GPHN: variants seen among roughly 807,000 people sequenced by gnomAD.
GPHN encodes the protein gephyrin.
Under a neutral mutation model 95.5 loss-of-function variants are expected in GPHN, and 17 were observed. The ratio of observed to expected loss-of-function variants is 0.18; its 90% CI spans 0.12 to 0.27. The LOEUF is 0.27. Ranked by LOEUF, GPHN falls within the 10% of genes least tolerant of loss-of-function variation. The probability of loss-of-function intolerance (pLI) is 1.00; values close to 1 mark genes in which losing one functional copy is unlikely to be tolerated. For missense variants in GPHN, 660 were observed against 978.1 expected (o/e 0.67, Z 4.34); for synonymous variants, 320 against 322.5 (o/e 0.99, Z 0.08).
chr14:66,673,950 G>A (rs769787857), intron 1 of GPHN, among the ~76,000 whole-genome samples: 6 of 151,894 alleles, frequency 4.0e-5, no homozygotes, highest in African/African-American at 9.7e-5. Flanking sequence ...AGGGTATTTC[G>A]CATATCCGTA....
intron 1 of GPHN, among the ~76,000 whole-genome samples, chr14:66,623,241 A>G (rs2063379667): frequency 6.6e-6 from 1 of 152,068 alleles, no homozygotes; most frequent in Non-Finnish European, 1.5e-5. Context: ...AGACTCATTC[A>G]CTATAATGAG....
the GPHN span, among the ~76,000 whole-genome samples, chr14:67,329,877 A>G: frequency 1.1e-3 from 99 of 86,858 alleles, no homozygotes; most frequent in East Asian, 0.021. Context: ...TAAATAAATA[A>G]ATAGATATAG....
chr14:67,262,300 C>T, the GPHN span, among the ~76,000 whole-genome samples: 1 of 152,120 alleles, frequency 6.6e-6, no homozygotes, highest in Non-Finnish European at 1.5e-5. Context: ...CTAAAACTCC[C>T]AGTATAAATG....
At chr14:67,533,641 C>G in the GPHN span, 1 of 152,148 alleles carries the variant, frequency 6.6e-6, no homozygotes. Flanking sequence ...AGTACCTGGA[C>G]TTGGGGATCG....
At chr14:67,153,732 T>G (rs2081417382) in intron 18 of GPHN, among the ~76,000 whole-genome samples, 1 of 152,212 alleles carries the variant, frequency 6.6e-6, no homozygotes, top group South Asian at 2.1e-4. Flanking sequence ...TTTGCACAAT[T>G]TTTCTGACCA....
At chr14:66,733,100 T>C (rs1198631290) in intron 2 of GPHN, among the ~76,000 whole-genome samples, 1 of 152,080 alleles carries the variant, frequency 6.6e-6, no homozygotes, top group Admixed American at 6.5e-5. Flanking sequence ...AAGGAGATGA[T>C]TGGATCATGG....
the GPHN span, among the ~76,000 whole-genome samples, chr14:67,394,155 T>A: frequency 6.6e-6 from 1 of 152,202 alleles, no homozygotes; most frequent in Non-Finnish European, 1.5e-5. Flanking sequence ...TTTCTTCTCC[T>A]TATCTAAATG....
chr14:67,201,129 A>G, the GPHN span, among the ~76,000 whole-genome samples: 1,832 of 152,276 alleles, frequency 0.012, 19 homozygotes, highest in Non-Finnish European at 0.018. Context: ...CCCATCTCTA[A>G]AAACACTTTT....
chr14:67,707,282 C>T, the GPHN span, among the ~76,000 whole-genome samples: 3 of 152,154 alleles, frequency 2.0e-5, no homozygotes, highest in Non-Finnish European at 2.9e-5. Flanking sequence ...AAACATTAGG[C>T]AAGACTAAAA....
chr14:66,579,171 A>G (rs1182299584), intron 1 of GPHN, among the ~76,000 whole-genome samples: 2 of 151,990 alleles, frequency 1.3e-5, no homozygotes, highest in Admixed American at 1.3e-4. Flanking sequence ...TGTAAGCCTC[A>G]TGGTAACCAC....
At chr14:66,528,313 G>A (rs2058772125) in intron 1 of GPHN, among the ~76,000 whole-genome samples, 2 of 152,042 alleles carry the variant, frequency 1.3e-5, no homozygotes, top group African/African-American at 4.8e-5. Context: ...TCCATTTGCT[G>A]TGTAAATATT....
At chr14:67,087,242 A>G (rs962415891) in intron 11 of GPHN, among the ~76,000 whole-genome samples, 4 of 152,090 alleles carry the variant, frequency 2.6e-5, no homozygotes, top group Non-Finnish European at 5.9e-5. Flanking sequence ...GCACTATTCA[A>G]AATCCCAGCA....
chr14:67,360,969 A>G, the GPHN span, among the ~76,000 whole-genome samples: 1 of 152,168 alleles, frequency 6.6e-6, no homozygotes, highest in African/African-American at 2.4e-5. Flanking sequence ...GGGTCCGAGT[A>G]GTTTTTCATC....
the GPHN span, among the ~76,000 whole-genome samples, chr14:67,229,894 C>T: frequency 1.3e-5 from 2 of 152,166 alleles, no homozygotes; most frequent in East Asian, 1.9e-4. Context: ...TCTTGGCCCA[C>T]AGCCTAGGGA....
the GPHN span, among the ~76,000 whole-genome samples, chr14:67,697,531 TGATTTATATA>T: frequency 4.6e-5 from 7 of 152,232 alleles, no homozygotes; most frequent in Non-Finnish European, 8.8e-5. Flanking sequence ...CCTGTCCCAA[TGATTTATATA>T]TATATATTAA....
At chr14:66,865,515 G>A (rs1596199580) in intron 4 of GPHN, among the ~76,000 whole-genome samples, 2 of 152,258 alleles carry the variant, frequency 1.3e-5, no homozygotes, top group Middle Eastern at 3.4e-3. Flanking sequence ...AACCCTGAGA[G>A]ATCAGGAGAT....
At chr14:67,692,532 G>T in the GPHN span, 1 of 1,612,110 alleles carries the variant, frequency 6.2e-7, no homozygotes, top group East Asian at 2.2e-5. Flanking sequence ...TCGTGGTCTG[G>T]ATCTCTTTGG....
the GPHN span, among the ~76,000 whole-genome samples, chr14:67,259,230 ATG>A: frequency 5.3e-5 from 8 of 152,066 alleles, no homozygotes; most frequent in African/African-American, 1.9e-4. Flanking sequence ...ATTTCTATAC[ATG>A]TATACCCTGT....
At chr14:67,644,171 G>C in the GPHN span, among the ~76,000 whole-genome samples, 1 of 152,338 alleles carries the variant, frequency 6.6e-6, no homozygotes. Context: ...AAATTCTAGA[G>C]AGGAAGAGAT....
Sources: allele counts gnomAD v4.1 joint callset (sites outside exome capture counted in the v4.1 genomes callset), GRCh38; gene constraint gnomAD v4.1.1; transcripts MANE v1.5; gene names NCBI Gene and HGNC (gene_info 2026-07-23, HGNC 2026-07-21).